Variants in MACF1 observed in about 807,000 individuals in gnomAD.
MACF1 encodes the protein microtubule-actin cross-linking factor 1.
A neutral mutation model predicts 854.8 loss-of-function variants in MACF1; 193 were observed. That is an observed-to-expected ratio of 0.23 (90% confidence interval 0.20 to 0.25). The LOEUF is 0.25. Among genes scored for constraint, MACF1 ranks in the 10% least tolerant of loss-of-function variants. The pLI is 1.00. For synonymous variants in MACF1, 3,185 were observed against 3,226.7 expected (o/e 0.99, Z 0.44); for missense variants, 7,722 against 8,929.1 (o/e 0.86, Z 5.45).
intron 55 of MACF1, 32 bp downstream of exon 55, chr1:39,380,405 T>C: frequency 6.3e-7 from 1 of 1,599,212 alleles, no homozygotes; most frequent in Non-Finnish European, 8.5e-7. Context: ...ACAAATTTGC[T>C]AAGTTACTTG....
intron 42 of MACF1, among the ~76,000 whole-genome samples, chr1:39,349,855 CTG>C (rs1286398282): frequency 6.6e-6 from 1 of 152,178 alleles, no homozygotes; most frequent in Non-Finnish European, 1.5e-5. Context: ...GTCTCGAACT[CTG>C]GGCTCAAGCA....
intron 58 of MACF1, among the ~76,000 whole-genome samples, chr1:39,395,602 A>G (rs986807095): frequency 6.6e-6 from 1 of 152,124 alleles, no homozygotes; most frequent in African/African-American, 2.4e-5. Context: ...TACTTCAGGG[A>G]GCTTCCTTGT....
At chr1:39,374,258 TAAAC>T (rs755448216) in intron 52 of MACF1, among the ~76,000 whole-genome samples, 42 of 152,208 alleles carry the variant, frequency 2.8e-4, no homozygotes, top group African/African-American at 9.9e-4. Flanking sequence ...AATAAATAAA[TAAAC>T]AAAATCTCAT....
chr1:39,156,426 C>A (rs2148202649), intron 2 of MACF1, among the ~76,000 whole-genome samples: 1 of 152,262 alleles, frequency 6.6e-6, no homozygotes, highest in Non-Finnish European at 1.5e-5. Flanking sequence ...CGAGACCAGC[C>A]TGGGCAACAT....
chr1:39,401,481 A>G (rs1204338815), intron 58 of MACF1, among the ~76,000 whole-genome samples: 1 of 152,254 alleles, frequency 6.6e-6, no homozygotes, highest in African/African-American at 2.4e-5. Flanking sequence ...AAATATCGGC[A>G]GAGTTTCAGA....
intron 2 of MACF1, among the ~76,000 whole-genome samples, chr1:39,100,689 A>T (rs945986324): frequency 1.3e-5 from 2 of 151,814 alleles, no homozygotes; most frequent in Admixed American, 1.3e-4. Context: ...CCCCATCTCT[A>T]CGAAAAATAC....
chr1:39,131,189 A>G, intron 2 of MACF1, among the ~76,000 whole-genome samples: 1 of 99,526 alleles, frequency 1.0e-5, no homozygotes. Context: ...TAAGAGACAG[A>G]GTCTTGTTCT....
At chr1:39,339,464 C>G (rs191864395) in intron 38 of MACF1, among the ~76,000 whole-genome samples, 1 of 151,552 alleles carries the variant, frequency 6.6e-6, no homozygotes, top group Non-Finnish European at 1.5e-5. Flanking sequence ...AGGGGAGATT[C>G]AGCTCCTGAA....
At chr1:39,465,045 C>CT (rs566778389) in intron 94 of MACF1, 50 bp from the exon 95 acceptor site, 817 of 1,524,084 alleles carry the variant, frequency 5.4e-4, no homozygotes, top group Non-Finnish European at 6.4e-4. Flanking sequence ...AAAATGTTCT[C>CT]TTTTTTTTTC....
At chr1:39,464,900 C>T (rs1045442151) in intron 94 of MACF1, 195 bp from the exon 95 acceptor site, 16 of 528,736 alleles carry the variant, frequency 3.0e-5, no homozygotes, top group Non-Finnish European at 4.3e-5. Context: ...GGCAACAGAG[C>T]GAGACTCTCA....
chr1:39,337,275 A>G lies in MACF1; in HGVS notation c.10159A>G (p.Ile3387Val), dbSNP rs113805312. 2 of 1,614,132 alleles carry G rather than the reference A, an allele frequency of 1.2e-6. No homozygotes were observed. The highest frequency in any genetic ancestry group is 1.7e-6 in the Non-Finnish European group (2 of 1,179,996). Reference protein sequence around the residue: ...LRNIEMRTKQIQPLELNLAEL... With the variant: ...LRNIEMRTKQVQPLELNLAEL... The stretch of plus-strand genomic sequence containing the variant: ...GAACATTGAAATGAGGACCAAACAG[A>G]TTCAACCTTTGGAGCTAAACCTGGC... Residue 3387 changes from isoleucine to valine, a missense_variant, in exon 38 of 101, where the codon ATT (isoleucine) becomes GTT (valine). Around this residue, in one of 15 missense-constraint regions of MACF1, gnomAD observed 854 missense variants for 852.6 expected, o/e 1.00. Transcript: ENST00000564288.
rs1646766889 is a variant in MACF1 at position 39,333,765 on chromosome 1, C to A, written c.7177C>A (p.Leu2393Ile). Reference sequence around the variant, plus strand: ...AAAGGATGCAGTTACAGTTGGACTTCTTGACAAGGAAACAGCCACCAGAAT... The same window carrying A: ...AAAGGATGCAGTTACAGTTGGACTTATTGACAAGGAAACAGCCACCAGAAT... ...SVKDAVTVGL[L>I]DKETATRILE... The change falls in exon 37 of 101, where the codon CTT becomes ATT. Residue 2393 changes from leucine to isoleucine, a missense_variant. Physicochemically the swap from Leu to Ile is conservative, Grantham distance 5. Coordinates refer to ENST00000564288, the MANE Select transcript of MACF1 (RefSeq NM_001394062.1). The A allele has an allele frequency of 6.2e-7, 1 of 1,614,156 alleles. No individual in the cohort carries two copies. Among genetic ancestry groups the A allele is most frequent in the Non-Finnish European group, 8.5e-7 (1 of 1,180,024 alleles).
chr1:39,236,410 C>T (rs1456849933), intron 2 of MACF1, among the ~76,000 whole-genome samples: 7 of 152,176 alleles, frequency 4.6e-5, no homozygotes, highest in African/African-American at 1.7e-4. Context: ...CAAGTTTGTT[C>T]TGCCTGGATA....
At chr1:39,291,203 C>T (rs1443567285) in intron 15 of MACF1, among the ~76,000 whole-genome samples, 2 of 152,108 alleles carry the variant, frequency 1.3e-5, no homozygotes, top group Non-Finnish European at 2.9e-5. Flanking sequence ...TCTCGAACTC[C>T]TGACCTCAGG....
intron 2 of MACF1, among the ~76,000 whole-genome samples, chr1:39,190,140 T>C (rs1644232289): frequency 6.6e-6 from 1 of 152,226 alleles, no homozygotes. Flanking sequence ...TTAGATATTC[T>C]GGTTTATCAA....
chr1:39,485,846 A>G lies in MACF1; in HGVS notation c.*52A>G, dbSNP rs562208233. The G allele has an allele frequency of 1.3e-6, 2 of 1,499,174 alleles. No individual in the cohort carries two copies. The highest frequency in any genetic ancestry group is 2.8e-5 in the African/African-American group (2 of 71,480). The allele number at this position is 1,499,174 out of a possible 1,614,324, so 92.9% of individuals were successfully genotyped here. A position where few individuals can be genotyped will look rare whatever the true frequency, so the allele number is the denominator to read the frequency against. On this transcript the variant is annotated 3_prime_UTR_variant, in exon 101 of 101. Coordinates refer to ENST00000564288, the MANE Select transcript of MACF1 (RefSeq NM_001394062.1). ...ATCCACTTTGAATCCTGCTCCATACATTGGGTGTATATTTATTCTGAACGG... is the reference window on the plus strand; with the variant it reads ...ATCCACTTTGAATCCTGCTCCATACGTTGGGTGTATATTTATTCTGAACGG...
chr1:39,358,263 G>A (rs960126997), intron 45 of MACF1, among the ~76,000 whole-genome samples: 1 of 152,178 alleles, frequency 6.6e-6, no homozygotes, highest in African/African-American at 2.4e-5. Context: ...ATTTCACAGA[G>A]CATCTAGGGT....
chr1:39,135,086 A>G (rs1266944464), intron 2 of MACF1, among the ~76,000 whole-genome samples: 1 of 152,184 alleles, frequency 6.6e-6, no homozygotes, highest in Non-Finnish European at 1.5e-5. Context: ...AATGTCCTCA[A>G]GGTTCATTCA....
chr1:39,254,167 A>G, intron 4 of MACF1, 131 bp from the exon 5 acceptor site: 1 of 733,084 alleles, frequency 1.4e-6, no homozygotes, highest in Non-Finnish European at 2.3e-6. Context: ...GCTTTGTGTA[A>G]TGCTCCCAGG....
Sources: gnomAD v4.1 joint callset for allele counts (sites outside exome capture counted in the v4.1 genomes callset) on GRCh38, gnomAD v4.1.1 for gene constraint, gnomAD v4.1.1 regional missense constraint, MANE v1.5 for transcripts, NCBI Gene and HGNC (gene_info 2026-07-23, HGNC 2026-07-21) for gene names.